CCDC80: variants seen among roughly 807,000 people sequenced by gnomAD.
CCDC80 encodes the protein coiled-coil domain-containing protein 80.
In CCDC80, 49 loss-of-function variants were observed where a neutral mutation model predicts 78.7. The ratio of observed to expected loss-of-function variants is 0.62; its 90% CI spans 0.50 to 0.79. The LOEUF (loss-of-function observed/expected upper bound fraction) is 0.79. Ranked by LOEUF, CCDC80 falls within the 30% of genes least tolerant of loss-of-function variation. CCDC80 has a pLI of 0.00. For synonymous variants in CCDC80, 488 were observed against 447.0 expected (o/e 1.09, Z -1.16); for missense variants, 1,205 against 1,198.6 (o/e 1.01, Z -0.08).
Position 112,605,584 on chromosome 3 carries a change from TC to T in CCDC80, c.2685del (p.Met896CysfsTer72). 6.2e-7 allele frequency: 1 copy of T among 1,614,152 alleles called. No individual in the cohort carries two copies. Among genetic ancestry groups the T allele is most frequent in the Non-Finnish European group, 8.5e-7 (1 of 1,180,014 alleles). On this transcript the variant is annotated frameshift_variant, in exon 8 of 8. Coordinates refer to ENST00000206423, the MANE Select transcript of CCDC80 (RefSeq NM_199511.3). LOFTEE classifies it high-confidence loss of function. ...SMVIVYDLID[S>X]MQLRRQEMAI... ...GCCATTTCCTGTCTCCGAAGTTGCA[TC>T]GAATCAATTAAATCGTACACAATCA...
In CCDC80 at chr3:112,638,289, C is replaced by T. The variant is rs762009043; in HGVS notation, c.1617G>A (p.Lys539=). 4.3e-6 allele frequency: 7 copies of T among 1,613,982 alleles called. No individual in the cohort carries two copies. The South Asian group carries it at 6.6e-5, about 15-fold the overall frequency. ...VPLKKAKESK[K]HEKLEKPEKE... is the part of the protein sequence containing the mutation. ...TCTCTGGTTTCTCAAGCTTTTCATG[C>T]TTTTTAGACTCCTTTGCTTTTTTAA... is the stretch of plus-strand genomic sequence containing the variant. Residue 539 remains lysine, a synonymous_variant, in exon 2 of 8, where the codon AAG becomes AAA. Coordinates refer to ENST00000206423, the MANE Select transcript of CCDC80 (RefSeq NM_199511.3).
rs755415409 is a variant in CCDC80, at chr3:112,639,867, C to T, written c.39G>A (p.Leu13=). Residue 13 remains leucine (L), a synonymous_variant, in exon 2 of 8, where the codon TTG becomes TTA. Coordinates refer to ENST00000206423, the MANE Select transcript of CCDC80 (RefSeq NM_199511.3). ...WRMGPRFTML[L]AMWLVCGSEP... The stretch of plus-strand genomic sequence containing the variant: ...CTGATCCACACACTAGCCACATGGC[C>T]AACAGCATAGTGAAACGGGGTCCCA... 2 of 1,614,050 alleles carry T rather than the reference C, an allele frequency of 1.2e-6. No homozygotes were observed. The highest frequency in any genetic ancestry group is 1.7e-6 in the Non-Finnish European group (2 of 1,180,042).
In CCDC80 at chr3:112,637,964, C is replaced by T. The variant is rs1936239286; in HGVS notation, c.1878+64G>A. 5.2e-6 allele frequency: 8 copies of T among 1,533,786 alleles called. No individual in the cohort carries two copies. In the African/African-American group the frequency reaches 5.6e-5, roughly 11 times the overall value. On this transcript the variant is annotated intron_variant, in intron 2 of 7. Transcript: ENST00000206423. ...AGCAATATGATTTTTACAAAACTAA[C>T]AAGACAGACGTTAACATGCCCTGCC...
chr3:112,606,830 A>G lies in CCDC80; in HGVS notation c.2506+346T>C, dbSNP rs78125721. Reference sequence around the variant, plus strand: ...ATGAGATATGACCTATGTGCCTCACAAAACTATTGTGAGAATTAAATGATA... The same window carrying G: ...ATGAGATATGACCTATGTGCCTCACGAAACTATTGTGAGAATTAAATGATA... On this transcript the variant is annotated intron_variant, in intron 7 of 7. Coordinates refer to ENST00000206423, the MANE Select transcript of CCDC80 (RefSeq NM_199511.3). Among the ~76,000 whole-genome samples the G allele has an allele frequency of 6.5e-3, 986 of 152,284 alleles. 5 individuals are homozygous for G. Among genetic ancestry groups the G allele is most frequent in the Middle Eastern group, 0.014 (4 of 294 alleles).
At position 112,638,849 on chromosome 3, in the gene CCDC80, G is replaced by C. The variant is rs1293568313; in HGVS notation, c.1057C>G (p.Leu353Val). The C allele has an allele frequency of 6.2e-7, 1 of 1,613,780 alleles. No homozygotes were observed. Among genetic ancestry groups the C allele is most frequent in the East Asian group, 2.2e-5 (1 of 44,858 alleles). Reference protein sequence around the residue: ...QPPSTPRATTLPPAPATTVTR... With the variant: ...QPPSTPRATTVPPAPATTVTR... ...ACTGTTGTGGCTGGGGCAGGAGGAA[G>C]GGTGGTGGCTCTGGGGGTTGAGGGA... Residue 353 changes from leucine (L) to valine (V), a missense_variant, in exon 2 of 8, where the codon CTT becomes GTT. By Grantham distance (32) the Leu-to-Val change is conservative (BLOSUM62 1). Coordinates refer to ENST00000206423, the MANE Select transcript of CCDC80 (RefSeq NM_199511.3).
chr3:112,597,194 A>T lies in CCDC80; in HGVS notation c.*8223T>A, dbSNP rs1178503262. On this transcript the variant is annotated 3_prime_UTR_variant, in exon 8 of 8. Transcript: ENST00000206423. ...ACTGGACATTCTGATGACCCCAGAG[A>T]TTATGACAGTGTTTTCTGGTCTAAT... 1.3e-5 allele frequency: 2 copies of T among 152,172 alleles called. No homozygotes were observed. Among genetic ancestry groups the T allele is most frequent in the African/African-American group, 4.8e-5 (2 of 41,450 alleles). The allele number at this position is 152,172 out of a possible 1,614,324, so 9.4% of individuals were successfully genotyped here. A position where few individuals can be genotyped will look rare whatever the true frequency, so the allele number is the denominator to read the frequency against.
At chr3:112,611,797 T>G (rs1935634686) in intron 5 of CCDC80, among the ~76,000 whole-genome samples, 1 of 152,180 alleles carries the variant, frequency 6.6e-6, no homozygotes, top group Non-Finnish European at 1.5e-5. Context: ...GACCGCAGGG[T>G]GTTGGTGCAC....
intron 2 of CCDC80, among the ~76,000 whole-genome samples, chr3:112,634,855 C>T (rs1010757470): frequency 6.6e-6 from 1 of 152,160 alleles, no homozygotes; most frequent in Non-Finnish European, 1.5e-5. Context: ...GATCTGAATT[C>T]TAATTCCGAC....
At chr3:112,640,231 C>A in intron 1 of CCDC80, 96 bp downstream of exon 1, 1 of 281,178 alleles carries the variant, frequency 3.6e-6, no homozygotes, top group Non-Finnish European at 6.7e-6. Context: ...TGCAAACTAG[C>A]ATATTAATTA....
intron 3 of CCDC80, 124 bp from the exon 4 acceptor site, chr3:112,619,228 G>T: frequency 1.2e-6 from 1 of 868,454 alleles, no homozygotes; most frequent in Non-Finnish European, 1.6e-6. Flanking sequence ...TTCAACTCAC[G>T]TTGTGTTTGA....
rs1936308531 is a variant in CCDC80, at chr3:112,639,884, G to A, written c.22C>T (p.Arg8Cys). 1 of 1,613,946 alleles carries A rather than the reference G, an allele frequency of 6.2e-7. No homozygotes were observed. Among genetic ancestry groups the A allele is most frequent in the Non-Finnish European group, 8.5e-7 (1 of 1,179,978 alleles). ...CACATGGCCAACAGCATAGTGAAAC[G>A]GGGTCCCATTCTCCATGTCATTGTG... MTWRMGP[R>C]FTMLLAMWLV... Residue 8 changes from arginine to cysteine, a missense_variant, in exon 2 of 8, where the codon CGT becomes TGT. Coordinates refer to ENST00000206423, the MANE Select transcript of CCDC80 (RefSeq NM_199511.3).
chr3:112,619,024 C>T lies in CCDC80; in HGVS notation c.2116G>A (p.Gly706Arg), dbSNP rs1287975965. Residue 706 changes from glycine (G) to arginine (R), a missense_variant, in exon 4 of 8, where the codon GGA becomes AGA. Coordinates refer to ENST00000206423, the MANE Select transcript of CCDC80 (RefSeq NM_199511.3). ...ATGAAGAAGTCATTGTAGGTCATTC[C>T]GTACTCTTTCCTCAGCTCGCTGATG... ...RLISELRKEY[G>R]MTYNDFFMVL... 12 of 1,612,812 alleles carry T rather than the reference C, an allele frequency of 7.4e-6. No homozygotes were observed. Among genetic ancestry groups the T allele is most frequent in the South Asian group, 1.1e-5 (1 of 90,706 alleles).
chr3:112,617,928 A>G (rs1935783960), intron 4 of CCDC80, among the ~76,000 whole-genome samples: 1 of 152,232 alleles, frequency 6.6e-6, no homozygotes, highest in Admixed American at 6.5e-5. Context: ...AAAATTGTTA[A>G]GACAGTGGGT....
chr3:112,609,843 AGAGT>A, intron 6 of CCDC80, 131 bp downstream of exon 6: 1 of 634,246 alleles, frequency 1.6e-6, no homozygotes, highest in Non-Finnish European at 2.7e-6. Context: ...TCAATATAGT[AGAGT>A]ATGTGTCTGG....
chr3:112,600,365 T>G lies in CCDC80; in HGVS notation c.*5052A>C, dbSNP rs1270230268. The G allele has an allele frequency of 6.6e-6, 1 of 152,248 alleles. No homozygotes were observed. The highest frequency in any genetic ancestry group is 1.5e-5 in the Non-Finnish European group (1 of 68,042). 9.4% of individuals were successfully genotyped at this position (152,248 alleles called of 1,614,324 possible). On this transcript the variant is annotated 3_prime_UTR_variant, in exon 8 of 8. Transcript: ENST00000206423. The stretch of plus-strand genomic sequence containing the variant: ...AATGCCAGTGGAACTGGAGAAATGC[T>G]TGAAAAAGTAATCTCAGGTTGTAAA...
In CCDC80 at chr3:112,630,295, T is replaced by C. The variant is rs757247599; in HGVS notation, c.1879-26A>G. The C allele has an allele frequency of 2.5e-5, 41 of 1,610,778 alleles. No homozygotes were observed. The East Asian group carries it at 8.5e-4, about 33-fold the overall frequency. ...CTGGAGGTGGGTGAAGACAAACAAA[T>C]ACTCATTTATAGTGATAGTTTCACA... On this transcript the variant is annotated intron_variant, in intron 2 of 7. Transcript: ENST00000206423.
At chr3:112,615,872 TCCAC>T (rs1935729282) in intron 5 of CCDC80, among the ~76,000 whole-genome samples, 1 of 151,956 alleles carries the variant, frequency 6.6e-6, no homozygotes, top group Non-Finnish European at 1.5e-5. Flanking sequence ...GCACAAACAA[TCCAC>T]CCCTTGTTTA....
intron 3 of CCDC80, 81 bp from the exon 4 acceptor site, chr3:112,619,185 C>A (rs973074528): frequency 1.6e-6 from 2 of 1,261,122 alleles, no homozygotes; most frequent in South Asian, 1.7e-5. Flanking sequence ...AGGCTTTGGG[C>A]CTAATCACAC....
intron 5 of CCDC80, among the ~76,000 whole-genome samples, chr3:112,611,711 A>C (rs11919852): frequency 0.012 from 1,757 of 152,328 alleles, 34 homozygotes; most frequent in African/African-American, 0.039. Context: ...GAAGGTATGC[A>C]TCTAAGGGGC....
Sources: allele counts gnomAD v4.1 joint callset (sites outside exome capture counted in the v4.1 genomes callset), GRCh38; gene constraint gnomAD v4.1.1; transcripts MANE v1.5; gene names NCBI Gene and HGNC (gene_info 2026-07-23, HGNC 2026-07-21).